The following VRK2 variants were observed in gnomAD, a reference collection of about 807,000 sequenced individuals.
VRK2 encodes serine/threonine-protein kinase VRK2.
In VRK2, 60 loss-of-function variants were observed where a neutral mutation model predicts 57.6. That is an observed-to-expected ratio of 1.04 (90% CI 0.85 to 1.29). The LOEUF is 1.29. VRK2 is among the 50% of genes most tolerant of loss of function. The probability of loss-of-function intolerance (pLI) is 0.00; values close to 1 mark genes in which losing one functional copy is unlikely to be tolerated. For missense variants in VRK2, 705 were observed against 588.1 expected (o/e 1.20, Z -2.06); for synonymous variants, 231 against 199.2 (o/e 1.16, Z -1.35).
intron 1 of VRK2, among the ~76,000 whole-genome samples, chr2:58,006,224 C>G (rs950071588): frequency 6.6e-6 from 1 of 152,084 alleles, no homozygotes; most frequent in Non-Finnish European, 1.5e-5. Flanking sequence ...TTGGATCAGG[C>G]GTATTGGCAT....
intron 1 of VRK2, among the ~76,000 whole-genome samples, chr2:58,010,028 C>G (rs573164421): frequency 2.0e-5 from 3 of 152,292 alleles, no homozygotes; most frequent in Admixed American, 2.0e-4. Flanking sequence ...AGAACCTCCC[C>G]AAGTTTGTGG....
chr2:58,155,065 T>TGTTCCAGTTGCAGTTGAAA (rs1257469930), intron 12 of VRK2, among the ~76,000 whole-genome samples: 1 of 152,210 alleles, frequency 6.6e-6, no homozygotes, highest in African/African-American at 2.4e-5. Flanking sequence ...CCTGGTTGAA[T>TGTTCCAGTTGCAGTTGAAA]GTTCCAGTTG....
intron 2 of VRK2, among the ~76,000 whole-genome samples, chr2:58,029,957 G>T (rs1023145551): frequency 6.6e-6 from 1 of 152,110 alleles, no homozygotes. Flanking sequence ...AATCTTCAGA[G>T]GCTAGTTATT....
At position 57,969,784 on chromosome 2, in the gene VRK2, A is replaced by G. The variant is rs184395994; in HGVS notation, c.-438-55881A>G. 9.4e-4 allele frequency among the ~76,000 whole-genome samples: 143 copies of G among 152,266 alleles called. 4 individuals carry two copies. The highest frequency in any genetic ancestry group is 6.0e-3 in the East Asian group (31 of 5,186). ...CGGTCAGCTGAGGCTATGCTTAAGC[A>G]GCTTAAGAAATCTCTCCTCTTATTC... On this transcript the variant is annotated intron_variant, in intron 1 of 15. Transcript: ENST00000417641.
At chr2:58,137,056 T>TATATATC (rs1185504542) in intron 10 of VRK2, among the ~76,000 whole-genome samples, 2 of 124,876 alleles carry the variant, frequency 1.6e-5, no homozygotes, top group East Asian at 4.3e-4. Context: ...TATATATGTG[T>TATATATC]ATATATCATA....
chr2:58,050,089 G>A (rs1675481143), intron 2 of VRK2, among the ~76,000 whole-genome samples: 1 of 152,026 alleles, frequency 6.6e-6, no homozygotes, highest in Non-Finnish European at 1.5e-5. Flanking sequence ...AGTCAACACT[G>A]TTCAATAGAA....
chr2:57,962,693 T>C (rs966103871), intron 1 of VRK2, among the ~76,000 whole-genome samples: 3 of 152,210 alleles, frequency 2.0e-5, no homozygotes, highest in African/African-American at 7.2e-5. Flanking sequence ...CTATGTCTGA[T>C]ATCATCTTAT....
At chr2:58,005,851 C>T (rs1443785998) in intron 1 of VRK2, among the ~76,000 whole-genome samples, 1 of 152,130 alleles carries the variant, frequency 6.6e-6, no homozygotes, top group Non-Finnish European at 1.5e-5. Flanking sequence ...AAGAGACCTC[C>T]CCAGCCCTAC....
intron 1 of VRK2, among the ~76,000 whole-genome samples, chr2:58,024,895 A>T (rs1187157071): frequency 6.6e-6 from 1 of 152,214 alleles, no homozygotes; most frequent in Non-Finnish European, 1.5e-5. Flanking sequence ...AAGAAATTCA[A>T]ATATAAAGGA....
intron 1 of VRK2, among the ~76,000 whole-genome samples, chr2:57,946,585 C>G (rs1157079471): frequency 6.6e-6 from 1 of 151,982 alleles, no homozygotes; most frequent in African/African-American, 2.4e-5. Flanking sequence ...TTTGGCTTCC[C>G]CCATTAAAAG....
chr2:58,067,996 C>T (rs1046069354), intron 2 of VRK2, among the ~76,000 whole-genome samples: 25 of 151,646 alleles, frequency 1.6e-4, no homozygotes, highest in Non-Finnish European at 2.9e-4. Context: ...GTGGCACAAT[C>T]TTGGCTCACT....
intron 7 of VRK2, among the ~76,000 whole-genome samples, chr2:58,102,552 G>T (rs1465178226): frequency 6.7e-6 from 1 of 148,832 alleles, no homozygotes; most frequent in East Asian, 1.9e-4. Flanking sequence ...TCAACAAGAG[G>T]CTATACCAGT....
rs537973147 is a variant in VRK2 at position 58,139,257 on chromosome 2, A to C, written c.857-409A>C. Among the ~76,000 whole-genome samples the C allele has an allele frequency of 3.3e-5, 5 of 152,300 alleles. No homozygotes were observed. The East Asian group carries it at 9.6e-4, about 29-fold the overall frequency. ...TTGCAGTTTTTTTCCTTAGAAATAA[A>C]GAGGTTTATAATAAGTAACACTTTA... is the stretch of plus-strand genomic sequence containing the variant. On this transcript the variant is annotated intron_variant, in intron 10 of 12. Transcript: ENST00000340157.
chr2:58,153,405 A>G (rs1683340466), intron 12 of VRK2, among the ~76,000 whole-genome samples: 1 of 151,986 alleles, frequency 6.6e-6, no homozygotes, highest in African/African-American at 2.4e-5. Context: ...CTAATGTACT[A>G]AGAGTTTTCA....
At chr2:57,942,873 T>C (rs923063041) in intron 1 of VRK2, among the ~76,000 whole-genome samples, 1 of 152,206 alleles carries the variant, frequency 6.6e-6, no homozygotes, top group Non-Finnish European at 1.5e-5. Flanking sequence ...CATATATCTC[T>C]TGTAGATCCA....
intron 12 of VRK2, among the ~76,000 whole-genome samples, chr2:58,155,156 T>C (rs2104711405): frequency 6.6e-6 from 1 of 152,306 alleles, no homozygotes; most frequent in South Asian, 2.1e-4. Context: ...TCTTGTGATG[T>C]TACTGATTTA....
chr2:58,078,782 A>T (rs1320661952), intron 2 of VRK2, among the ~76,000 whole-genome samples: 1 of 152,098 alleles, frequency 6.6e-6, no homozygotes, highest in African/African-American at 2.4e-5. Flanking sequence ...GCATGTTTTC[A>T]TATGCAAGTT....
At position 58,003,002 on chromosome 2, in the gene VRK2, T is replaced by C. The variant is rs567306608; in HGVS notation, c.-438-22663T>C. ...TGTTGGAAGTTAAATTGTCTAAAAT[T>C]AGTTAATGATTCTAGTGTTAGTATG... On this transcript the variant is annotated intron_variant, in intron 1 of 15. Coordinates refer to the VRK2 transcript ENST00000417641. 2.0e-5 allele frequency among the ~76,000 whole-genome samples: 3 copies of C among 152,336 alleles called. No individual in the cohort carries two copies. The South Asian group carries it at 6.2e-4, about 32-fold the overall frequency.
At chr2:58,125,149 T>G (rs1010594091) in intron 8 of VRK2, among the ~76,000 whole-genome samples, 10 of 152,282 alleles carry the variant, frequency 6.6e-5, no homozygotes, top group African/African-American at 2.4e-4. Flanking sequence ...AACTTATGTT[T>G]GAGTCATTTA....
Sources: allele counts gnomAD v4.1 joint callset (sites outside exome capture counted in the v4.1 genomes callset), GRCh38; gene constraint gnomAD v4.1.1; transcripts MANE v1.5; gene names NCBI Gene and HGNC (gene_info 2026-07-23, HGNC 2026-07-21).